The following PRELID2 variants were observed in gnomAD, a reference collection of about 807,000 sequenced individuals.
The protein encoded by PRELID2 is PRELI domain containing 2.
PRELID2 carries 25 observed loss-of-function variants against 28.4 expected under a neutral mutation model. The ratio of observed to expected loss-of-function variants is 0.88; its 90% CI spans 0.64 to 1.23. PRELID2 has a LOEUF of 1.23. Among genes scored for constraint, PRELID2 ranks in the 50% most tolerant of loss-of-function variants. The pLI is 0.00. For synonymous variants in PRELID2, 76 were observed against 71.6 expected, an observed-to-expected ratio of 1.06 and a Z score of -0.31; for missense variants, 201 against 214.4, an observed-to-expected ratio of 0.94 and a Z score of 0.39.
intron 1 of PRELID2, among the ~76,000 whole-genome samples, chr5:145,502,200 G>A (rs535217785): frequency 2.7e-4 from 41 of 152,190 alleles, no homozygotes; most frequent in Non-Finnish European, 3.5e-4. Context: ...AAGACAAAGG[G>A]GAAATGGCAC....
chr5:145,289,804 A>C, the PRELID2 span, among the ~76,000 whole-genome samples: 3 of 152,258 alleles, frequency 2.0e-5, no homozygotes, highest in South Asian at 6.2e-4. Context: ...ATTCTACTAC[A>C]TGTATAGTGG....
At chr5:145,386,554 C>A in the PRELID2 span, among the ~76,000 whole-genome samples, 7 of 152,110 alleles carry the variant, frequency 4.6e-5, no homozygotes, top group Admixed American at 1.3e-4. Context: ...GAGGCCTCCC[C>A]AGCCATGCAG....
chr5:145,240,572 A>C, the PRELID2 span, among the ~76,000 whole-genome samples: 1 of 151,998 alleles, frequency 6.6e-6, no homozygotes, highest in Admixed American at 6.6e-5. Flanking sequence ...ATTATCAGGC[A>C]GCTGGGTTGT....
At chr5:145,355,688 A>G in the PRELID2 span, among the ~76,000 whole-genome samples, 4 of 152,142 alleles carry the variant, frequency 2.6e-5, no homozygotes, top group Non-Finnish European at 5.9e-5. Context: ...GCAGAGCAAA[A>G]AAAGCATGAG....
chr5:145,307,200 GC>G, the PRELID2 span, among the ~76,000 whole-genome samples: 4 of 152,296 alleles, frequency 2.6e-5, no homozygotes, highest in South Asian at 2.1e-4. Flanking sequence ...AATGTGAACA[GC>G]CGTAGTTTAA....
chr5:145,511,458 G>A (rs1272162356), intron 1 of PRELID2, among the ~76,000 whole-genome samples: 2 of 152,220 alleles, frequency 1.3e-5, no homozygotes, highest in Non-Finnish European at 2.9e-5. Context: ...AAAAGCTAAT[G>A]TATTCACCAG....
intron 4 of PRELID2, among the ~76,000 whole-genome samples, chr5:145,799,304 G>C (rs1752976822): frequency 6.7e-6 from 1 of 149,896 alleles, no homozygotes; most frequent in South Asian, 2.1e-4. Context: ...GAGAAATTAA[G>C]ATGTTCCTAA....
At chr5:145,698,395 A>G (rs1037651201) in intron 1 of PRELID2, among the ~76,000 whole-genome samples, 1 of 152,220 alleles carries the variant, frequency 6.6e-6, no homozygotes, top group South Asian at 2.1e-4. Flanking sequence ...AATAAACACA[A>G]GTAACTAAAT....
At position 145,691,055 on chromosome 5, in the gene PRELID2, T is replaced by G. The variant is rs146712765; in HGVS notation, n.70+73876A>C. Reference sequence around the variant, plus strand: ...TATGCACTGCATGTGATGGTGTAAATTGTGACACCTATTTTGGAAATTGTT... The same window carrying G: ...TATGCACTGCATGTGATGGTGTAAAGTGTGACACCTATTTTGGAAATTGTT... On this transcript the variant is annotated intron_variant and non_coding_transcript_variant, in intron 1 of 2. Coordinates refer to the PRELID2 transcript ENST00000510259. Among the ~76,000 whole-genome samples the G allele has an allele frequency of 4.7e-3, 720 of 152,298 alleles. 3 individuals are homozygous for G. The highest frequency in any genetic ancestry group is 0.016 in the African/African-American group (676 of 41,556).
At chr5:145,588,933 T>C (rs1753190148) in intron 1 of PRELID2, among the ~76,000 whole-genome samples, 1 of 151,998 alleles carries the variant, frequency 6.6e-6, no homozygotes. Flanking sequence ...TATATGTTAG[T>C]AGTAAAGCAT....
intron 1 of PRELID2, among the ~76,000 whole-genome samples, chr5:145,720,333 T>A (rs191681246): frequency 0.028 from 4,120 of 147,098 alleles, 169 homozygotes; most frequent in African/African-American, 0.095. Context: ...AAGATAATTT[T>A]AAAAAAAAAA....
intron 1 of PRELID2, among the ~76,000 whole-genome samples, chr5:145,516,055 G>A (rs1330091587): frequency 5.3e-5 from 8 of 152,160 alleles, no homozygotes; most frequent in Non-Finnish European, 1.2e-4. Context: ...GCAAAAACTG[G>A]AAGCATTCCC....
chr5:145,684,825 G>A (rs1438756616), intron 1 of PRELID2, among the ~76,000 whole-genome samples: 1 of 152,280 alleles, frequency 6.6e-6, no homozygotes, highest in South Asian at 2.1e-4. Flanking sequence ...CATGGGTGCT[G>A]TTGGCACCAC....
At chr5:145,620,895 G>A (rs962861343) in intron 1 of PRELID2, among the ~76,000 whole-genome samples, 2 of 152,030 alleles carry the variant, frequency 1.3e-5, no homozygotes, top group Non-Finnish European at 1.5e-5. Flanking sequence ...AATAACATTA[G>A]GCTGACATCT....
At chr5:145,769,609 G>C (rs570027583) in intron 5 of PRELID2, among the ~76,000 whole-genome samples, 3 of 152,176 alleles carry the variant, frequency 2.0e-5, no homozygotes, top group African/African-American at 7.2e-5. Context: ...TTCTCAAAAG[G>C]TGCATCCACA....
At chr5:145,675,299 A>G (rs1047273633) in intron 1 of PRELID2, among the ~76,000 whole-genome samples, 1 of 151,736 alleles carries the variant, frequency 6.6e-6, no homozygotes, top group African/African-American at 2.4e-5. Context: ...AAGAGACTTA[A>G]TCTTACTAAT....
At chr5:145,748,584 A>G (rs949267884) in intron 1 of PRELID2, among the ~76,000 whole-genome samples, 2 of 152,220 alleles carry the variant, frequency 1.3e-5, no homozygotes, top group African/African-American at 4.8e-5. Context: ...TATTCCCATC[A>G]AACTACCATT....
the PRELID2 span, among the ~76,000 whole-genome samples, chr5:145,419,211 G>A: frequency 6.7e-6 from 1 of 149,114 alleles, no homozygotes; most frequent in African/African-American, 2.5e-5. Context: ...TGTCTTTATA[G>A]CAGCATGATT....
intron 1 of PRELID2, among the ~76,000 whole-genome samples, chr5:145,743,411 C>CAA (rs59424142): frequency 2.2e-4 from 22 of 101,760 alleles, no homozygotes; most frequent in African/African-American, 8.3e-4. Context: ...AACTCTGCGG[C>CAA]AAAAAAAAAA....
Sources: allele counts gnomAD v4.1 joint callset (sites outside exome capture counted in the v4.1 genomes callset), GRCh38; gene constraint gnomAD v4.1.1; transcripts MANE v1.5; gene names NCBI Gene and HGNC (gene_info 2026-07-23, HGNC 2026-07-21).